Variants in ASTN2 observed in about 807,000 individuals in gnomAD.
ASTN2 encodes astrotactin-2.
ASTN2 carries 54 observed loss-of-function variants against 139.8 expected under a neutral mutation model. The observed-to-expected ratio is 0.39, with a 90% CI of 0.31 to 0.48. ASTN2 has a LOEUF of 0.48. ASTN2 is among the 20% of genes least tolerant of loss of function. ASTN2 has a pLI of 0.95. For missense variants in ASTN2, 1,565 were observed against 1,725.1 expected (o/e 0.91, Z 1.64); for synonymous variants, 756 against 719.5 (o/e 1.05, Z -0.81).
chr9:117,049,154 G>A (rs551150070), intron 5 of ASTN2, among the ~76,000 whole-genome samples: 28 of 151,712 alleles, frequency 1.8e-4, no homozygotes, highest in Non-Finnish European at 3.5e-4. Context: ...TTTTAGTAGA[G>A]GCAGAGTTTC....
At chr9:116,688,577 C>G (rs983813392) in intron 16 of ASTN2, among the ~76,000 whole-genome samples, 1 of 152,120 alleles carries the variant, frequency 6.6e-6, no homozygotes, top group African/African-American at 2.4e-5. Flanking sequence ...ATTTATTAAA[C>G]AAAGATCCGT....
intron 19 of ASTN2, among the ~76,000 whole-genome samples, chr9:116,511,588 T>C (rs1564331224): frequency 6.6e-6 from 1 of 152,182 alleles, no homozygotes; most frequent in East Asian, 1.9e-4. Context: ...GTACGAGCTC[T>C]GCCTTGTACC....
At chr9:116,978,675 TTTAAATTG>T (rs1836425782) in intron 7 of ASTN2, among the ~76,000 whole-genome samples, 1 of 152,198 alleles carries the variant, frequency 6.6e-6, no homozygotes, top group South Asian at 2.1e-4. Flanking sequence ...AGTTTTATTT[TTTAAATTG>T]TTAAAAATAT....
chr9:116,761,792 G>T (rs1416313844), intron 13 of ASTN2, among the ~76,000 whole-genome samples: 1 of 152,138 alleles, frequency 6.6e-6, no homozygotes, highest in East Asian at 1.9e-4. Context: ...TGAGCTCTGA[G>T]CAGGGGAGTG....
chr9:117,116,582 T>G (rs945808586), intron 4 of ASTN2, among the ~76,000 whole-genome samples: 6 of 145,340 alleles, frequency 4.1e-5, no homozygotes, highest in African/African-American at 1.6e-4. Context: ...ATCAAAAGTT[T>G]TTTTTTTTTT....
At chr9:117,146,105 A>T (rs2132868799) in intron 3 of ASTN2, among the ~76,000 whole-genome samples, 1 of 152,050 alleles carries the variant, frequency 6.6e-6, no homozygotes, top group East Asian at 1.9e-4. Context: ...GGCCAATTTC[A>T]TCCTGCATAC....
chr9:116,752,501 T>C (rs1383383126), intron 13 of ASTN2, among the ~76,000 whole-genome samples: 2 of 152,170 alleles, frequency 1.3e-5, no homozygotes, highest in Non-Finnish European at 2.9e-5. Flanking sequence ...CAACACCAAA[T>C]ATATGATCCA....
intron 16 of ASTN2, among the ~76,000 whole-genome samples, chr9:116,688,454 A>T (rs1272464598): frequency 6.6e-6 from 1 of 152,136 alleles, no homozygotes; most frequent in Non-Finnish European, 1.5e-5. Context: ...ATGAAACTGG[A>T]TGAGTATATG....
At chr9:116,467,316 G>A (rs1420586727) in intron 20 of ASTN2, among the ~76,000 whole-genome samples, 1 of 152,130 alleles carries the variant, frequency 6.6e-6, no homozygotes, top group East Asian at 1.9e-4. Flanking sequence ...CACCAGGCTG[G>A]AGTGCAGTGG....
At chr9:117,036,359 T>C (rs529940431) in intron 6 of ASTN2, among the ~76,000 whole-genome samples, 1 of 152,190 alleles carries the variant, frequency 6.6e-6, no homozygotes, top group African/African-American at 2.4e-5. Context: ...TCCGTAGTTA[T>C]TTCTCTTTTT....
chr9:117,022,565 T>A (rs1357675153), intron 6 of ASTN2, among the ~76,000 whole-genome samples: 2 of 152,152 alleles, frequency 1.3e-5, no homozygotes, highest in African/African-American at 2.4e-5. Context: ...GCATCTTCAA[T>A]GGCAACGCAC....
intron 3 of ASTN2, among the ~76,000 whole-genome samples, chr9:117,187,709 C>T (rs1831238227): frequency 6.6e-6 from 1 of 152,182 alleles, no homozygotes; most frequent in South Asian, 2.1e-4. Flanking sequence ...AAGGCCCTCA[C>T]CAGATGCAGC....
intron 1 of ASTN2, among the ~76,000 whole-genome samples, chr9:117,353,088 G>A (rs1484120948): frequency 1.3e-5 from 2 of 152,100 alleles, no homozygotes; most frequent in Admixed American, 6.5e-5. Flanking sequence ...GGAAATACAT[G>A]GTGTTGATGG....
At chr9:117,098,431 T>C (rs77242649) in intron 4 of ASTN2, among the ~76,000 whole-genome samples, 2,825 of 152,234 alleles carry the variant, frequency 0.019, 44 homozygotes, top group Middle Eastern at 0.034. Context: ...ATTGAAAGAT[T>C]AATATCTGCC....
At chr9:116,910,299 G>T (rs1309606295) in intron 10 of ASTN2, among the ~76,000 whole-genome samples, 4 of 152,104 alleles carry the variant, frequency 2.6e-5, no homozygotes, top group African/African-American at 9.7e-5. Flanking sequence ...TTTAAGCTAG[G>T]ATTTCTTAAC....
intron 16 of ASTN2, among the ~76,000 whole-genome samples, chr9:116,722,448 G>T (rs534368144): frequency 6.6e-6 from 1 of 152,294 alleles, no homozygotes; most frequent in African/African-American, 2.4e-5. Context: ...ATTTCCAGTG[G>T]TTTCCCCAGA....
rs1198411325 is a variant in ASTN2, at chr9:116,563,646, C to T, written c.3355+54678G>A. ...TTATTTAAAACTAGACAGCCCTTTC[C>T]CTCATCTAGCATAGTTGTCTTTTTT... On this transcript the variant is annotated intron_variant, in intron 19 of 22. Transcript: ENST00000313400. Among the ~76,000 whole-genome samples the T allele has an allele frequency of 2.0e-5, 3 of 152,144 alleles. No individual in the cohort carries two copies. In the East Asian group the frequency reaches 5.8e-4, roughly 29 times the overall value.
At chr9:116,952,763 C>T (rs1049004831) in intron 10 of ASTN2, among the ~76,000 whole-genome samples, 1 of 152,226 alleles carries the variant, frequency 6.6e-6, no homozygotes, top group Non-Finnish European at 1.5e-5. Context: ...TCTTCCTCAG[C>T]TAGCCGAGCA....
Position 117,347,872 on chromosome 9 carries a change from A to T in ASTN2, c.443-56359T>A, listed in dbSNP as rs1829273463. ...GCTAAAGGGCAGTGAAGGCCTAGGG[A>T]CCTAAGTGTTATATGTCCAGCTTTC... On this transcript the variant is annotated intron_variant, in intron 1 of 22. Transcript: ENST00000313400. 2.0e-5 allele frequency among the ~76,000 whole-genome samples: 3 copies of T among 152,142 alleles called. No individual in the cohort carries two copies. The South Asian group carries it at 6.2e-4, about 31-fold the overall frequency.
Sources: allele counts gnomAD v4.1 joint callset (sites outside exome capture counted in the v4.1 genomes callset), GRCh38; gene constraint gnomAD v4.1.1; transcripts MANE v1.5; gene names NCBI Gene and HGNC (gene_info 2026-07-23, HGNC 2026-07-21).